Variants in SPSB1 observed in about 807,000 individuals in gnomAD.
SPSB1 encodes the protein splA/ryanodine receptor domain and SOCS box containing 1, also known as SPRY domain-containing SOCS box protein 1.
In SPSB1, 8 loss-of-function variants were observed where a neutral mutation model predicts 21.2. The observed-to-expected ratio is 0.38, with a 90% confidence interval of 0.22 to 0.68. SPSB1 has a LOEUF of 0.68. Ranked by LOEUF, SPSB1 falls within the 30% of genes least tolerant of loss-of-function variation. The probability of loss-of-function intolerance (pLI) is 0.53; values close to 1 mark genes in which losing one functional copy is unlikely to be tolerated. For missense variants in SPSB1, 242 were observed against 377.8 expected, an observed-to-expected ratio of 0.64 and a Z score of 2.98; for synonymous variants, 169 against 161.7, an observed-to-expected ratio of 1.05 and a Z score of -0.34.
At chr1:9,355,527 G>A (rs1316091638) in intron 1 of SPSB1, among the ~76,000 whole-genome samples, 2 of 152,180 alleles carry the variant, frequency 1.3e-5, no homozygotes, top group African/African-American at 4.8e-5. Context: ...CCACACAGTC[G>A]GCCGCGTGGA....
chr1:9,333,328 C>CTTTT (rs33924371), intron 1 of SPSB1, among the ~76,000 whole-genome samples: 2 of 126,518 alleles, frequency 1.6e-5, no homozygotes, highest in South Asian at 2.6e-4. Flanking sequence ...TTGTCAGCTT[C>CTTTT]TTTTTTTTTT....
chr1:9,355,543 A>C (rs985879459), intron 1 of SPSB1, among the ~76,000 whole-genome samples, 200 bp from the exon 2 acceptor site: 2 of 152,264 alleles, frequency 1.3e-5, no homozygotes, highest in Non-Finnish European at 2.9e-5. Flanking sequence ...GTGGACAGAC[A>C]GACCCTTTCC....
rs1156357525 is a variant in SPSB1, at chr1:9,305,966, G to A, written c.-150+12895G>A. Reference sequence around the variant, plus strand: ...GTGCAGAGAGGCAGGAGGGCCCACAGACCTGGGGACATTTGTGCAATTGCG... The same window carrying A: ...GTGCAGAGAGGCAGGAGGGCCCACAAACCTGGGGACATTTGTGCAATTGCG... On this transcript the variant is annotated intron_variant, in intron 1 of 2. Coordinates refer to ENST00000328089, the MANE Select transcript of SPSB1 (RefSeq NM_025106.4). This position sits in a 1 kb window ranked among gnomAD's most constrained non-coding sequence, Gnocchi z 4.8. Among the ~76,000 whole-genome samples, 1 of 152,202 alleles carries A rather than the reference G, an allele frequency of 6.6e-6. No homozygotes were observed. Among genetic ancestry groups the A allele is most frequent in the East Asian group, 1.9e-4 (1 of 5,180 alleles).
rs1415125880 is a variant in SPSB1 at position 9,293,435 on chromosome 1, G to T, written c.-150+364G>T. On this transcript the variant is annotated intron_variant, in intron 1 of 2. Coordinates refer to ENST00000328089, the MANE Select transcript of SPSB1 (RefSeq NM_025106.4). The surrounding 1 kb of genome is among the most constrained non-coding windows in gnomAD (Gnocchi z 5.1). ...GGAGGGGCTGGGGCGCTCCGGGGCC[G>T]CCGACCCGTCCCCCCTTTAGCCCGG... Among the ~76,000 whole-genome samples the T allele has an allele frequency of 1.3e-5, 2 of 151,516 alleles. No individual in the cohort carries two copies. The highest frequency in any genetic ancestry group is 3.0e-5 in the Non-Finnish European group (2 of 67,716).
intron 1 of SPSB1, among the ~76,000 whole-genome samples, chr1:9,340,348 G>A (rs929829277): frequency 3.9e-5 from 6 of 152,194 alleles, no homozygotes; most frequent in Admixed American, 6.5e-5. Context: ...ACTTTCACAC[G>A]GATTCCTGCC....
Position 9,345,442 on chromosome 1 carries a change from G to A in SPSB1, c.-149-10301G>A, listed in dbSNP as rs1357949259. Among the ~76,000 whole-genome samples the A allele has an allele frequency of 2.0e-5, 3 of 152,098 alleles. No individual in the cohort carries two copies. The highest frequency in any genetic ancestry group is 2.9e-5 in the Non-Finnish European group (2 of 68,020). ...GCAGTGTCGGTGGTCCATAGTCCAC[G>A]TTTTATTCCTCTTGCCGTGGGAGGG... On this transcript the variant is annotated intron_variant, in intron 1 of 2. Coordinates refer to ENST00000328089, the MANE Select transcript of SPSB1 (RefSeq NM_025106.4). The surrounding 1 kb of genome is among the most constrained non-coding windows in gnomAD (Gnocchi z 4.8).
chr1:9,294,020 CTAAG>C (rs1422923241), intron 1 of SPSB1, among the ~76,000 whole-genome samples: 1 of 104,888 alleles, frequency 9.5e-6, no homozygotes, highest in East Asian at 2.5e-4. Context: ...GCCTGAGACT[CTAAG>C]TGACTGTGTG....
chr1:9,297,286 A>G (rs571522682), intron 1 of SPSB1, among the ~76,000 whole-genome samples: 2 of 152,330 alleles, frequency 1.3e-5, no homozygotes, highest in Admixed American at 6.5e-5. Context: ...TGAGCACAAG[A>G]TGAAGAAAAT....
chr1:9,325,631 G>A (rs1639805565), intron 1 of SPSB1, among the ~76,000 whole-genome samples: 1 of 152,170 alleles, frequency 6.6e-6, no homozygotes, highest in Non-Finnish European at 1.5e-5. Context: ...AGCCCCTGAG[G>A]CACAGTGTGA....
chr1:9,336,604 CAAGGAAGAGT>C, intron 1 of SPSB1, among the ~76,000 whole-genome samples: 1 of 152,268 alleles, frequency 6.6e-6, no homozygotes, highest in Admixed American at 6.5e-5. Flanking sequence ...CGCGTGCGTT[CAAGGAAGAGT>C]CTGGGGCAGA....
chr1:9,331,746 GCT>G (rs1639924175), intron 1 of SPSB1, among the ~76,000 whole-genome samples: 1 of 152,082 alleles, frequency 6.6e-6, no homozygotes, highest in African/African-American at 2.4e-5. Context: ...CTTGCTCTCC[GCT>G]TCCTGTGTGT....
intron 1 of SPSB1, among the ~76,000 whole-genome samples, chr1:9,299,732 G>T (rs1406220461): frequency 2.6e-5 from 4 of 151,980 alleles, no homozygotes; most frequent in Non-Finnish European, 5.9e-5. Flanking sequence ...ACCCGCCTTG[G>T]CCTCCCAAAG....
At chr1:9,316,551 C>T (rs1459148622) in intron 1 of SPSB1, among the ~76,000 whole-genome samples, 1 of 151,762 alleles carries the variant, frequency 6.6e-6, no homozygotes, top group Admixed American at 6.6e-5. Flanking sequence ...TGCTGGATGG[C>T]GAGGAGGGGG....
chr1:9,344,009 C>T (rs998566280), intron 1 of SPSB1, among the ~76,000 whole-genome samples: 8 of 152,118 alleles, frequency 5.3e-5, no homozygotes, highest in African/African-American at 1.9e-4. Context: ...AGGATGGTCT[C>T]GATCTCCTGA....
intron 1 of SPSB1, among the ~76,000 whole-genome samples, chr1:9,354,700 C>A (rs1407414348): frequency 6.6e-6 from 1 of 152,030 alleles, no homozygotes; most frequent in Non-Finnish European, 1.5e-5. Flanking sequence ...GTAATCGTAG[C>A]TGAGGCAGGA....
At chr1:9,296,594 A>ACACACCATACACAAACGTGTGCATG (rs1553123073) in intron 1 of SPSB1, among the ~76,000 whole-genome samples, 1 of 151,968 alleles carries the variant, frequency 6.6e-6, no homozygotes, top group Non-Finnish European at 1.5e-5. Context: ...ACATGTGTAC[A>ACACACCATACACAAACGTGTGCATG]CACACATACA....
chr1:9,308,078 G>A (rs755893875), intron 1 of SPSB1, among the ~76,000 whole-genome samples: 4 of 152,200 alleles, frequency 2.6e-5, no homozygotes, highest in Non-Finnish European at 5.9e-5. Flanking sequence ...CTGTTAACCC[G>A]TCTGGGACCA....
At chr1:9,361,710 G>A (rs1026633270) in intron 2 of SPSB1, among the ~76,000 whole-genome samples, 5 of 152,256 alleles carry the variant, frequency 3.3e-5, no homozygotes, top group Non-Finnish European at 5.9e-5. Context: ...ACAAGGCCTT[G>A]TGCTGAGGAT....
intron 1 of SPSB1, among the ~76,000 whole-genome samples, chr1:9,318,519 C>T (rs4908530): frequency 0.6 from 90,532 of 152,106 alleles, 28,072 homozygotes; most frequent in Middle Eastern, 0.7. Flanking sequence ...AAGGAAGACC[C>T]TGAGTTTGGA....
Sources: allele counts gnomAD v4.1 joint callset (sites outside exome capture counted in the v4.1 genomes callset), GRCh38; gene constraint gnomAD v4.1.1; non-coding constraint Gnocchi (gnomAD v3.1); transcripts MANE v1.5; gene names NCBI Gene and HGNC (gene_info 2026-07-23, HGNC 2026-07-21).